RALYL: variants seen among roughly 807,000 people sequenced by gnomAD.
RALYL encodes RNA-binding Raly-like protein.
RALYL carries 29 observed loss-of-function variants against 35.1 expected under a neutral mutation model. The observed-to-expected ratio is 0.83, with a 90% CI of 0.61 to 1.13. The LOEUF (loss-of-function observed/expected upper bound fraction) is 1.13. RALYL is among the 50% of genes most tolerant of loss of function. RALYL has a pLI of 0.00. For synonymous variants in RALYL, 120 were observed against 127.6 expected, an observed-to-expected ratio of 0.94 and a Z score of 0.40; for missense variants, 359 against 360.4, an observed-to-expected ratio of 1.00 and a Z score of 0.03.
intron 1 of RALYL, among the ~76,000 whole-genome samples, chr8:84,282,705 C>A (rs556007042): frequency 7.5e-6 from 1 of 132,878 alleles, no homozygotes; most frequent in South Asian, 2.3e-4. Context: ...AACGTGTGTA[C>A]ATATATATGT....
intron 2 of RALYL, among the ~76,000 whole-genome samples, chr8:84,626,250 T>G (rs542247409): frequency 2.0e-4 from 30 of 152,322 alleles, no homozygotes; most frequent in African/African-American, 6.7e-4. Context: ...TAAAGCTGCA[T>G]GTGAGAATTC....
chr8:84,469,251 G>GT (rs1372022332), intron 1 of RALYL, among the ~76,000 whole-genome samples: 1 of 152,028 alleles, frequency 6.6e-6, no homozygotes, highest in Admixed American at 6.5e-5. Flanking sequence ...TTTCTGTTCT[G>GT]TTTTTTCCCC....
chr8:84,348,345 G>C (rs79605809), intron 1 of RALYL, among the ~76,000 whole-genome samples: 5,773 of 152,144 alleles, frequency 0.038, 146 homozygotes, highest in East Asian at 0.13. Context: ...TAATGACTGA[G>C]CTGAAAGTTG....
intron 1 of RALYL, among the ~76,000 whole-genome samples, chr8:84,220,283 T>A (rs1031203756): frequency 2.0e-5 from 3 of 152,086 alleles, no homozygotes; most frequent in Admixed American, 2.0e-4. Flanking sequence ...ATTCAATAAC[T>A]TGCTTTGTCA....
chr8:84,408,719 A>G (rs2043804168), intron 1 of RALYL, among the ~76,000 whole-genome samples: 1 of 152,170 alleles, frequency 6.6e-6, no homozygotes, highest in African/African-American at 2.4e-5. Flanking sequence ...ACTAGTAGTC[A>G]TCAGTCAAGA....
chr8:84,900,393 C>T (rs1845465060), intron 8 of RALYL, among the ~76,000 whole-genome samples: 1 of 152,016 alleles, frequency 6.6e-6, no homozygotes, highest in South Asian at 2.1e-4. Flanking sequence ...AAGACCTCTC[C>T]CGGCTGGGTG....
At chr8:84,733,655 C>G (rs1329936301) in intron 2 of RALYL, among the ~76,000 whole-genome samples, 2 of 151,934 alleles carry the variant, frequency 1.3e-5, no homozygotes, top group Admixed American at 1.3e-4. Flanking sequence ...AATTTGAATC[C>G]CTCCCTGTTC....
At chr8:84,526,081 A>G (rs1343334487) in intron 1 of RALYL, among the ~76,000 whole-genome samples, 3 of 149,646 alleles carry the variant, frequency 2.0e-5, no homozygotes, top group Non-Finnish European at 4.4e-5. Flanking sequence ...CCTTCCGAGT[A>G]GCTGGGATTT....
At chr8:84,322,866 A>T (rs1449364354) in intron 1 of RALYL, among the ~76,000 whole-genome samples, 1 of 151,998 alleles carries the variant, frequency 6.6e-6, no homozygotes, top group Non-Finnish European at 1.5e-5. Context: ...TGCTGCTAGG[A>T]TACTTTCATC....
At chr8:84,192,644 G>A (rs1189452250) in intron 1 of RALYL, among the ~76,000 whole-genome samples, 3 of 151,504 alleles carry the variant, frequency 2.0e-5, no homozygotes, top group Non-Finnish European at 2.9e-5. Context: ...TGCAACCTCC[G>A]CTTACCATGT....
intron 3 of RALYL, among the ~76,000 whole-genome samples, chr8:84,778,848 A>T (rs1035918814): frequency 2.0e-5 from 3 of 152,204 alleles, no homozygotes. Context: ...CAGGCTACTG[A>T]GGGAATGATC....
chr8:84,294,308 A>C (rs1839344583), intron 1 of RALYL, among the ~76,000 whole-genome samples: 1 of 152,168 alleles, frequency 6.6e-6, no homozygotes, highest in Non-Finnish European at 1.5e-5. Flanking sequence ...TAGAGGATGC[A>C]AATTGAGAGA....
At chr8:84,393,643 A>G (rs1655382214) in intron 1 of RALYL, among the ~76,000 whole-genome samples, 1 of 152,062 alleles carries the variant, frequency 6.6e-6, no homozygotes, top group Non-Finnish European at 1.5e-5. Flanking sequence ...ATACATCAAG[A>G]AGTCATCCAG....
chr8:84,373,643 A>G (rs1315943961), intron 1 of RALYL, among the ~76,000 whole-genome samples: 3 of 152,046 alleles, frequency 2.0e-5, no homozygotes, highest in Non-Finnish European at 4.4e-5. Flanking sequence ...GTTTGACGTC[A>G]GGTAGCGTGA....
At chr8:84,293,241 A>G (rs1271464481) in intron 1 of RALYL, among the ~76,000 whole-genome samples, 1 of 152,188 alleles carries the variant, frequency 6.6e-6, no homozygotes, top group African/African-American at 2.4e-5. Context: ...AGAGAGCGAG[A>G]GAAAGAACAA....
chr8:84,365,764 T>G (rs1189265654), intron 1 of RALYL, among the ~76,000 whole-genome samples: 1 of 152,164 alleles, frequency 6.6e-6, no homozygotes, highest in African/African-American at 2.4e-5. Flanking sequence ...GAAAATGAAT[T>G]TTTTAGAAGG....
intron 2 of RALYL, among the ~76,000 whole-genome samples, chr8:84,658,806 A>G (rs1014319142): frequency 1.3e-5 from 2 of 152,146 alleles, no homozygotes; most frequent in African/African-American, 4.8e-5. Context: ...ACGTATTGAA[A>G]GAGGAATTGG....
intron 1 of RALYL, among the ~76,000 whole-genome samples, chr8:84,495,023 T>C (rs1338688376): frequency 6.6e-6 from 1 of 152,170 alleles, no homozygotes; most frequent in East Asian, 1.9e-4. Context: ...AGTATGATAT[T>C]GGCTTGGATT....
At chr8:84,308,256 C>G (rs534010169) in intron 1 of RALYL, among the ~76,000 whole-genome samples, 6 of 152,178 alleles carry the variant, frequency 3.9e-5, no homozygotes, top group African/African-American at 9.6e-5. Context: ...AATAAACCAT[C>G]TTGACAAAAA....
Sources: gnomAD v4.1 joint callset for allele counts (sites outside exome capture counted in the v4.1 genomes callset) on GRCh38, gnomAD v4.1.1 for gene constraint, MANE v1.5 for transcripts, NCBI Gene and HGNC (gene_info 2026-07-23, HGNC 2026-07-21) for gene names.